The following IMPG1 variants were observed in gnomAD, a reference collection of about 807,000 sequenced individuals.
IMPG1 encodes the protein interphotoreceptor matrix proteoglycan of 150 kDa.
Under a neutral mutation model 92.0 loss-of-function variants are expected in IMPG1, and 85 were observed. The ratio of observed to expected loss-of-function variants is 0.92; its 90% CI spans 0.78 to 1.11. The LOEUF (loss-of-function observed/expected upper bound fraction) is 1.11, where lower values mean the gene tolerates loss of function less well. Ranked by LOEUF, IMPG1 falls within the 50% of genes least tolerant of loss-of-function variation. The pLI is 0.00. For synonymous variants in IMPG1, 367 were observed against 334.1 expected (o/e 1.10, Z -1.08); for missense variants, 1,022 against 956.0 (o/e 1.07, Z -0.91).
At chr6:76,040,407 G>A (rs1783815297) in intron 2 of IMPG1, among the ~76,000 whole-genome samples, 2 of 152,120 alleles carry the variant, frequency 1.3e-5, no homozygotes, top group Non-Finnish European at 2.9e-5. Context: ...CTGTATGTAC[G>A]TCCATCCCTG....
chr6:76,005,877 C>T (rs747737207), intron 9 of IMPG1, among the ~76,000 whole-genome samples: 1 of 150,826 alleles, frequency 6.6e-6, no homozygotes, highest in Admixed American at 6.6e-5. Context: ...CACTCTGTTA[C>T]CCAGGCTGGA....
chr6:75,958,061 A>T (rs1221342136), intron 12 of IMPG1, among the ~76,000 whole-genome samples: 1 of 152,086 alleles, frequency 6.6e-6, no homozygotes, highest in East Asian at 1.9e-4. Flanking sequence ...TCCTTTTCAT[A>T]TTTATTGCTT....
chr6:75,999,749 G>A lies in IMPG1; in HGVS notation c.1291+3169C>T, dbSNP rs570196138. Among the ~76,000 whole-genome samples, 74 of 152,280 alleles carry A rather than the reference G, an allele frequency of 4.9e-4. 1 individual carries two copies. Among genetic ancestry groups the A allele is most frequent in the Non-Finnish European group, 1.3e-4 (9 of 68,028 alleles). On this transcript the variant is annotated intron_variant, in intron 12 of 16. Transcript: ENST00000369950. ...ATATTTGCACTCTAGGTCCAGGTCA[G>A]CAAATATAACTCTTCTTGCTCAATA...
chr6:75,932,648 A>G (rs1781684124), intron 14 of IMPG1, among the ~76,000 whole-genome samples: 1 of 151,442 alleles, frequency 6.6e-6, no homozygotes, highest in African/African-American at 2.4e-5. Context: ...TCCCAAAGAC[A>G]TTTTTCCTTA....
intron 16 of IMPG1, among the ~76,000 whole-genome samples, chr6:75,922,728 C>G (rs778605085): frequency 6.6e-6 from 1 of 151,990 alleles, no homozygotes; most frequent in Non-Finnish European, 1.5e-5. Context: ...ATTTTATGGC[C>G]CTAGTCTAAA....
At chr6:75,944,331 A>C (rs1411056940) in intron 14 of IMPG1, among the ~76,000 whole-genome samples, 1 of 152,214 alleles carries the variant, frequency 6.6e-6, no homozygotes, top group African/African-American at 2.4e-5. Context: ...CTAGCTATGC[A>C]TAGCGTAGTA....
At chr6:76,016,104 A>G (rs1478281529) in intron 7 of IMPG1, among the ~76,000 whole-genome samples, 2 of 152,220 alleles carry the variant, frequency 1.3e-5, no homozygotes, top group Non-Finnish European at 2.9e-5. Context: ...CATATAAAGC[A>G]TTAAGAAAAG....
In IMPG1 at chr6:75,961,856, C is replaced by T. The variant is rs139544441; in HGVS notation, c.1292-10762G>A. Among the ~76,000 whole-genome samples the T allele has an allele frequency of 6.6e-5, 10 of 152,206 alleles. No individual in the cohort carries two copies. In the East Asian group the frequency reaches 1.9e-3, roughly 29 times the overall value. The stretch of plus-strand genomic sequence containing the variant: ...CTAAAGACATTTTCAAGCACACAGT[C>T]TTAAAATTTTTTCCCAGGCACCTTT... On this transcript the variant is annotated intron_variant, in intron 12 of 16. Coordinates refer to ENST00000369950, the MANE Select transcript of IMPG1 (RefSeq NM_001563.4).
chr6:76,051,950 T>G (rs1784049940), intron 1 of IMPG1, among the ~76,000 whole-genome samples: 1 of 151,586 alleles, frequency 6.6e-6, no homozygotes, highest in South Asian at 2.1e-4. Flanking sequence ...CGTGTACATA[T>G]GTACTGAGCC....
intron 15 of IMPG1, among the ~76,000 whole-genome samples, chr6:75,930,656 C>T (rs115198293): frequency 5.9e-5 from 9 of 152,158 alleles, no homozygotes; most frequent in African/African-American, 1.9e-4. Context: ...TTCTTCCTTC[C>T]CTATTGGTCT....
At chr6:76,022,071 A>T in intron 6 of IMPG1, 45 bp downstream of exon 6, 5 of 1,089,688 alleles carry the variant, frequency 4.6e-6, no homozygotes, top group Non-Finnish European at 5.6e-6. Flanking sequence ...CTAAAGAACA[A>T]AAACAGGCAC....
At chr6:75,936,114 T>C (rs1483939730) in intron 14 of IMPG1, among the ~76,000 whole-genome samples, 1 of 152,268 alleles carries the variant, frequency 6.6e-6, no homozygotes, top group Non-Finnish European at 1.5e-5. Context: ...GACAGTGCCC[T>C]AGCGGGGAAA....
At chr6:76,011,136 A>T in intron 8 of IMPG1, 30 bp downstream of exon 8, 1 of 1,199,632 alleles carries the variant, frequency 8.3e-7, no homozygotes, top group South Asian at 1.3e-5. Flanking sequence ...GTAATTTAAA[A>T]ATTGAGAAGA....
chr6:75,962,634 G>A (rs6924213), intron 12 of IMPG1, among the ~76,000 whole-genome samples: 36,583 of 152,020 alleles, frequency 0.24, 4,459 homozygotes, highest in Admixed American at 0.3. Context: ...AGAAGACAGC[G>A]GTCCAAAAGT....
At position 76,018,745 on chromosome 6, in the gene IMPG1, C is replaced by G. The variant is rs1251064186; in HGVS notation, c.780G>C (p.Gln260His). 1 of 1,613,256 alleles carries G rather than the reference C, an allele frequency of 6.2e-7. No homozygotes were observed. Among genetic ancestry groups the G allele is most frequent in the Non-Finnish European group, 8.5e-7 (1 of 1,179,656 alleles). ...ELADSQSPYY[Q>H]ELAGKSQLQM... ...GAAGTTGGGACTTTCCTGCTAGCTCCTGGTAATATGGGGACTGGGAGTCAG... is the reference window on the plus strand; with the variant it reads ...GAAGTTGGGACTTTCCTGCTAGCTCGTGGTAATATGGGGACTGGGAGTCAG... Residue 260 changes from glutamine (Q) to histidine (H), a missense_variant, in exon 7 of 17, where the codon CAG becomes CAC. Gln to His is a conservative substitution (Grantham distance 24). Transcript: ENST00000369950.
intron 1 of IMPG1, among the ~76,000 whole-genome samples, chr6:76,053,679 C>T (rs1015407542): frequency 3.3e-5 from 5 of 151,956 alleles, no homozygotes; most frequent in African/African-American, 7.3e-5. Context: ...TTGTATCATC[C>T]GATTCCTATC....
At chr6:75,961,184 G>T (rs753848519) in intron 12 of IMPG1, among the ~76,000 whole-genome samples, 4 of 152,242 alleles carry the variant, frequency 2.6e-5, no homozygotes, top group Middle Eastern at 3.4e-3. Context: ...ACTAGAAAGG[G>T]TCACATATAT....
chr6:75,994,443 T>C (rs1329550823), intron 12 of IMPG1, among the ~76,000 whole-genome samples: 1 of 152,216 alleles, frequency 6.6e-6, no homozygotes, highest in Non-Finnish European at 1.5e-5. Flanking sequence ...CTGCTCATAA[T>C]GGATACTGTA....
intron 14 of IMPG1, among the ~76,000 whole-genome samples, chr6:75,935,439 C>T (rs1781729121): frequency 6.6e-6 from 1 of 152,254 alleles, no homozygotes; most frequent in East Asian, 1.9e-4. Flanking sequence ...AGCTTCACGC[C>T]TGAACAAAGT....
Sources: gnomAD v4.1 joint callset for allele counts (sites outside exome capture counted in the v4.1 genomes callset) on GRCh38, gnomAD v4.1.1 for gene constraint, MANE v1.5 for transcripts, NCBI Gene and HGNC (gene_info 2026-07-23, HGNC 2026-07-21) for gene names.